The following FGF12 variants were observed in gnomAD, a reference collection of about 807,000 sequenced individuals.
The protein encoded by FGF12 is fibroblast growth factor 12B.
A neutral mutation model predicts 23.6 loss-of-function variants in FGF12; 14 were observed. The ratio of observed to expected loss-of-function variants is 0.59; its 90% CI spans 0.39 to 0.93. FGF12 has a LOEUF of 0.93. Ranked by LOEUF, FGF12 falls within the 40% of genes least tolerant of loss-of-function variation. FGF12 has a pLI of 0.00. For synonymous variants in FGF12, 62 were observed against 77.3 expected, an observed-to-expected ratio of 0.80 and a Z score of 1.04; for missense variants, 175 against 217.8, an observed-to-expected ratio of 0.80 and a Z score of 1.24.
intron 4 of FGF12, among the ~76,000 whole-genome samples, chr3:192,282,177 C>T (rs1237573302): frequency 1.3e-5 from 2 of 151,996 alleles, no homozygotes; most frequent in African/African-American, 4.8e-5. Flanking sequence ...TGATTAATTC[C>T]TTAGAATGCA....
intron 4 of FGF12, among the ~76,000 whole-genome samples, chr3:192,279,269 A>C (rs1382611789): frequency 7.5e-6 from 1 of 133,514 alleles, no homozygotes; most frequent in Non-Finnish European, 1.6e-5. Context: ...GTACATTCCC[A>C]TAGAGAACTT....
intron 2 of FGF12, among the ~76,000 whole-genome samples, chr3:192,700,180 A>G (rs1446383087): frequency 6.6e-6 from 1 of 152,210 alleles, no homozygotes; most frequent in South Asian, 2.1e-4. Context: ...CATTTTATAT[A>G]CATACTCTGT....
intron 4 of FGF12, among the ~76,000 whole-genome samples, chr3:192,212,796 G>T (rs903875647): frequency 5.2e-4 from 74 of 141,344 alleles, no homozygotes; most frequent in African/African-American, 1.8e-3. Context: ...TGGGGGGGGG[G>T]TTAAAAAAAG....
At chr3:192,637,498 A>G (rs1237459280) in intron 2 of FGF12, among the ~76,000 whole-genome samples, 1 of 152,136 alleles carries the variant, frequency 6.6e-6, no homozygotes, top group Admixed American at 6.5e-5. Context: ...CACTTACCAA[A>G]TGTGCCTTTC....
At chr3:192,674,739 T>C (rs1243823122) in intron 2 of FGF12, among the ~76,000 whole-genome samples, 1 of 152,224 alleles carries the variant, frequency 6.6e-6, no homozygotes, top group Non-Finnish European at 1.5e-5. Flanking sequence ...TCAGCCTTAG[T>C]TGAGGAACAA....
At chr3:192,458,303 C>A (rs1444612422) in intron 2 of FGF12, among the ~76,000 whole-genome samples, 2 of 152,136 alleles carry the variant, frequency 1.3e-5, no homozygotes, top group Non-Finnish European at 2.9e-5. Flanking sequence ...AATGGCAGAT[C>A]TACCGACAGC....
At chr3:192,542,411 C>G (rs1385609258) in intron 2 of FGF12, among the ~76,000 whole-genome samples, 1 of 152,056 alleles carries the variant, frequency 6.6e-6, no homozygotes, top group African/African-American at 2.4e-5. Context: ...TCTGTGTTAT[C>G]TTGAATTTCA....
intron 4 of FGF12, among the ~76,000 whole-genome samples, chr3:192,307,477 CT>C (rs1263272792): frequency 2.0e-5 from 3 of 152,074 alleles, no homozygotes; most frequent in Non-Finnish European, 4.4e-5. Flanking sequence ...CTTTTATCAA[CT>C]GAAAGTTAAA....
intron 2 of FGF12, among the ~76,000 whole-genome samples, chr3:192,556,208 A>G (rs1378873050): frequency 6.6e-6 from 1 of 152,202 alleles, no homozygotes; most frequent in African/African-American, 2.4e-5. Flanking sequence ...AAACTCTTCA[A>G]TCAAAAGACA....
chr3:192,727,157 C>T, intron 2 of FGF12, 24 bp downstream of exon 2: 1 of 1,572,360 alleles, frequency 6.4e-7, no homozygotes, highest in Non-Finnish European at 8.6e-7. Context: ...AGCGGGAAGT[C>T]CCCCGATAGG....
At chr3:192,276,808 T>C (rs1264965897) in intron 4 of FGF12, among the ~76,000 whole-genome samples, 1 of 152,128 alleles carries the variant, frequency 6.6e-6, no homozygotes, top group Non-Finnish European at 1.5e-5. Flanking sequence ...TAACTGTAGG[T>C]AATAAGATTC....
intron 2 of FGF12, among the ~76,000 whole-genome samples, chr3:192,574,757 G>A (rs182762429): frequency 4.5e-4 from 68 of 152,294 alleles, no homozygotes; most frequent in African/African-American, 1.6e-3. Flanking sequence ...TGAGACAGTA[G>A]ATAAAAATGC....
intron 3 of FGF12, among the ~76,000 whole-genome samples, chr3:192,343,710 C>A (rs1717810693): frequency 1.3e-5 from 2 of 152,016 alleles, no homozygotes. Flanking sequence ...ATTCCCTTAC[C>A]CTAATTCCAC....
intron 4 of FGF12, among the ~76,000 whole-genome samples, chr3:192,256,140 C>T (rs1332027770): frequency 1.3e-5 from 2 of 152,070 alleles, no homozygotes; most frequent in Non-Finnish European, 2.9e-5. Flanking sequence ...ATAATTCTTA[C>T]AACTAGCTAC....
intron 4 of FGF12, among the ~76,000 whole-genome samples, chr3:192,282,602 G>T (rs1363659042): frequency 6.6e-6 from 1 of 151,628 alleles, no homozygotes; most frequent in Non-Finnish European, 1.5e-5. Context: ...CAATTAATTG[G>T]GTCAAATATA....
At chr3:192,397,006 T>C (rs1298284023) in intron 2 of FGF12, among the ~76,000 whole-genome samples, 1 of 152,192 alleles carries the variant, frequency 6.6e-6, no homozygotes, top group African/African-American at 2.4e-5. Flanking sequence ...AGCAAAATTA[T>C]AATGAATGGA....
At chr3:192,375,258 A>G (rs1719431845) in intron 2 of FGF12, among the ~76,000 whole-genome samples, 1 of 152,094 alleles carries the variant, frequency 6.6e-6, no homozygotes, top group South Asian at 2.1e-4. Context: ...TTTTATTTCT[A>G]TCATCTTCGT....
At chr3:192,619,702 A>G (rs1052086993) in intron 2 of FGF12, among the ~76,000 whole-genome samples, 3 of 152,268 alleles carry the variant, frequency 2.0e-5, no homozygotes, top group South Asian at 2.1e-4. Context: ...ATTTTCCTAT[A>G]ATGTGCGAAA....
At chr3:192,318,516 T>C (rs927403791) in intron 4 of FGF12, among the ~76,000 whole-genome samples, 4 of 152,110 alleles carry the variant, frequency 2.6e-5, no homozygotes, top group Admixed American at 2.0e-4. Flanking sequence ...AGACAGCCTA[T>C]TTGAAAATTC....
Sources: allele counts gnomAD v4.1 joint callset (sites outside exome capture counted in the v4.1 genomes callset), GRCh38; gene constraint gnomAD v4.1.1; transcripts MANE v1.5; gene names NCBI Gene and HGNC (gene_info 2026-07-23, HGNC 2026-07-21).